The following STARD3NL variants were observed in gnomAD, a reference collection of about 807,000 sequenced individuals.
The protein encoded by STARD3NL is STARD3 N-terminal like.
STARD3NL carries 17 observed loss-of-function variants against 30.9 expected under a neutral mutation model. The observed-to-expected ratio is 0.55, with a 90% CI of 0.38 to 0.82. The LOEUF is 0.82. Ranked by LOEUF, STARD3NL falls within the 40% of genes least tolerant of loss-of-function variation. The pLI, the probability that STARD3NL is intolerant of heterozygous loss-of-function variation, is 0.00. For synonymous variants in STARD3NL, 112 were observed against 100.5 expected, an observed-to-expected ratio of 1.11 and a Z score of -0.69; for missense variants, 234 against 277.6, an observed-to-expected ratio of 0.84 and a Z score of 1.12.
chr7:38,223,610 G>A (rs1042605896), intron 7 of STARD3NL, among the ~76,000 whole-genome samples: 1 of 151,968 alleles, frequency 6.6e-6, no homozygotes. Context: ...GCCTTCTTCT[G>A]GTTGCCCCAT....
intron 1 of STARD3NL, among the ~76,000 whole-genome samples, chr7:38,185,169 C>T (rs76772574): frequency 0.034 from 5,110 of 152,118 alleles, 134 homozygotes; most frequent in Non-Finnish European, 0.052. Context: ...GAGGTTACTT[C>T]GGTTGCTGAT....
chr7:38,183,600 A>G (rs771835549), intron 1 of STARD3NL, among the ~76,000 whole-genome samples: 1 of 152,216 alleles, frequency 6.6e-6, no homozygotes, highest in Non-Finnish European at 1.5e-5. Flanking sequence ...AATAGCATTC[A>G]AAATATATTG....
Position 38,207,554 on chromosome 7 carries a change from G to A in STARD3NL, c.50G>A (p.Ser17Asn), listed in dbSNP as rs1324082644. The change falls in exon 2 of 9, where the codon AGC becomes AAC. Residue 17 changes from serine to asparagine, a missense_variant. Physicochemically the swap from Ser to Asn is conservative, Grantham distance 46. Transcript: ENST00000009041. ...DMENALTGSQ[S>N]SHASLRNIHS... Reference sequence around the variant, plus strand: ...GAGAACGCTCTCACCGGGAGCCAGAGCTCCCATGCTTCTCTGCGCAATATC... The same window carrying A: ...GAGAACGCTCTCACCGGGAGCCAGAACTCCCATGCTTCTCTGCGCAATATC... The A allele has an allele frequency of 1.2e-6, 2 of 1,614,020 alleles. No homozygotes were observed. The highest frequency in any genetic ancestry group is 1.7e-6 in the Non-Finnish European group (2 of 1,179,948).
intron 1 of STARD3NL, among the ~76,000 whole-genome samples, chr7:38,205,337 A>G (rs1311917590): frequency 6.6e-6 from 1 of 152,020 alleles, no homozygotes; most frequent in African/African-American, 2.4e-5. Context: ...TCAATATCTG[A>G]TATATTTCAT....
rs1786938698 is a variant in STARD3NL at position 38,228,853 on chromosome 7, G to A, written c.704G>A (p.Ter235=). Residue 235 remains the stop codon, a stop_retained_variant, in exon 8 of 9, where the codon TGA becomes TAA. Transcript: ENST00000009041. ...QDSEKPLLEL[*] ...AGTGAGAAACCACTTTTAGAACTAT[G>A]AGTACTACTTTTGTTAAAGTAAGTG... 1 of 1,611,748 alleles carries A rather than the reference G, an allele frequency of 6.2e-7. No homozygotes were observed.
At position 38,230,012 on chromosome 7, in the gene STARD3NL, C is replaced by A. The variant is rs570340781; in HGVS notation, c.*107C>A. ...ACAGTAAAGTTGAAATGGTGACGTC[C>A]ACTGCTGGCTTTATTGAACAGCTAA... On this transcript the variant is annotated 3_prime_UTR_variant, in exon 9 of 9. Coordinates refer to ENST00000009041, the MANE Select transcript of STARD3NL (RefSeq NM_032016.4). The A allele has an allele frequency of 3.3e-5, 5 of 152,618 alleles. No individual in the cohort carries two copies. The highest frequency in any genetic ancestry group is 5.9e-5 in the Non-Finnish European group (4 of 68,046). 9.5% of individuals were successfully genotyped at this position (152,618 alleles called of 1,614,324 possible). A position where few individuals can be genotyped will look rare whatever the true frequency, so the allele number is the denominator to read the frequency against.
intron 4 of STARD3NL, chr7:38,215,774 T>A (rs1786073933): frequency 6.6e-6 from 1 of 152,438 alleles, no homozygotes; most frequent in African/African-American, 2.4e-5. Flanking sequence ...CTCCTCAGAC[T>A]AGAGAGAGCT....
intron 7 of STARD3NL, among the ~76,000 whole-genome samples, chr7:38,228,359 G>A (rs528586140): frequency 1.3e-5 from 2 of 152,202 alleles, no homozygotes; most frequent in Non-Finnish European, 2.9e-5. Context: ...AGAAGGGCCA[G>A]ACTGTGGTCA....
chr7:38,217,864 T>C (rs1261211764), intron 6 of STARD3NL, among the ~76,000 whole-genome samples: 3 of 152,124 alleles, frequency 2.0e-5, no homozygotes, highest in Non-Finnish European at 2.9e-5. Context: ...AGGATGAAGA[T>C]TATTCACAGG....
At chr7:38,187,855 C>T (rs1784524807) in intron 1 of STARD3NL, among the ~76,000 whole-genome samples, 1 of 152,132 alleles carries the variant, frequency 6.6e-6, no homozygotes, top group Admixed American at 6.5e-5. Flanking sequence ...CACTAAATAG[C>T]ACATCCATCC....
intron 1 of STARD3NL, among the ~76,000 whole-genome samples, chr7:38,186,801 A>G (rs964397291): frequency 1.3e-5 from 2 of 152,162 alleles, no homozygotes; most frequent in African/African-American, 4.8e-5. Flanking sequence ...TCACCTAATG[A>G]CGCATTTCTC....
At chr7:38,199,408 T>C (rs966709186) in intron 1 of STARD3NL, among the ~76,000 whole-genome samples, 1 of 152,244 alleles carries the variant, frequency 6.6e-6, no homozygotes, top group African/African-American at 2.4e-5. Flanking sequence ...TGCTAGTATA[T>C]GTGCTAGATG....
At chr7:38,193,309 G>GTTGTTA (rs1416871822) in intron 1 of STARD3NL, among the ~76,000 whole-genome samples, 1 of 151,648 alleles carries the variant, frequency 6.6e-6, no homozygotes, top group Non-Finnish European at 1.5e-5. Context: ...TGTTGTTGTT[G>GTTGTTA]TTATTTTGAG....
chr7:38,199,695 G>T lies in STARD3NL; in HGVS notation c.-58-7752G>T, dbSNP rs527433188. Reference sequence around the variant, plus strand: ...CACCCTGTACTTCAGCTTTCTGAAGGATATGGTTAGGATGAAATCCAATAA... The same window carrying T: ...CACCCTGTACTTCAGCTTTCTGAAGTATATGGTTAGGATGAAATCCAATAA... On this transcript the variant is annotated intron_variant, in intron 1 of 8. Transcript: ENST00000009041. Among the ~76,000 whole-genome samples, 3 of 152,300 alleles carry T rather than the reference G, an allele frequency of 2.0e-5. No homozygotes were observed. The South Asian group carries it at 6.2e-4, about 32-fold the overall frequency.
intron 4 of STARD3NL, chr7:38,216,277 C>CT: frequency 6.6e-6 from 1 of 152,174 alleles, no homozygotes; most frequent in East Asian, 1.9e-4. Context: ...AAGAATAAGT[C>CT]TAATTTAGCA....
At chr7:38,199,944 C>G (rs984186897) in intron 1 of STARD3NL, among the ~76,000 whole-genome samples, 4 of 152,166 alleles carry the variant, frequency 2.6e-5, no homozygotes, top group Admixed American at 2.6e-4. Flanking sequence ...TTGGCATTGC[C>G]TCAAGAACCT....
intron 4 of STARD3NL, 121 bp from the exon 5 acceptor site, chr7:38,216,904 C>A: frequency 1.7e-6 from 2 of 1,174,560 alleles, no homozygotes; most frequent in Non-Finnish European, 2.5e-6. Context: ...AGGAGCCAGG[C>A]TAGGCACAGG....
intron 1 of STARD3NL, among the ~76,000 whole-genome samples, chr7:38,196,370 C>T (rs1784897493): frequency 6.6e-6 from 1 of 152,122 alleles, no homozygotes; most frequent in Non-Finnish European, 1.5e-5. Context: ...AGCTTGTTCT[C>T]ATTGCTTGGC....
chr7:38,222,620 C>A (rs1786534269), intron 7 of STARD3NL, among the ~76,000 whole-genome samples: 1 of 152,148 alleles, frequency 6.6e-6, no homozygotes, highest in Non-Finnish European at 1.5e-5. Context: ...TCAAGCATGC[C>A]TCATCAAACT....
Sources: allele counts gnomAD v4.1 joint callset (sites outside exome capture counted in the v4.1 genomes callset), GRCh38; gene constraint gnomAD v4.1.1; transcripts MANE v1.5; gene names NCBI Gene and HGNC (gene_info 2026-07-23, HGNC 2026-07-21).